The following CYP4F8 variants were observed in gnomAD, a reference collection of about 807,000 sequenced individuals.
CYP4F8 encodes cytochrome P450 family 4 subfamily F member 8.
A neutral mutation model predicts 55.0 loss-of-function variants in CYP4F8; 56 were observed. That is an observed-to-expected ratio of 1.02 (90% CI 0.82 to 1.27). The LOEUF (loss-of-function observed/expected upper bound fraction) is 1.27, where lower values mean the gene tolerates loss of function less well. CYP4F8 is among the 50% of genes most tolerant of loss of function. CYP4F8 has a pLI of 0.00. For synonymous variants in CYP4F8, 288 were observed against 267.3 expected, an observed-to-expected ratio of 1.08 and a Z score of -0.76; for missense variants, 680 against 682.4, an observed-to-expected ratio of 1.00 and a Z score of 0.04.
chr19:15,619,423 A>G, intron 3 of CYP4F8, 67 bp from the exon 4 acceptor site: 1 of 1,590,170 alleles, frequency 6.3e-7, no homozygotes, highest in Non-Finnish European at 8.6e-7. Flanking sequence ...GCTGGGAGCC[A>G]CCCTCCATAC....
chr19:15,629,217 G>C lies in CYP4F8; in HGVS notation c.1422G>C (p.Ala474=). The change falls in exon 13 of 13, where the codon GCG becomes GCC. Residue 474 remains alanine, a synonymous_variant. Transcript: ENST00000612078. ...GGAACTGCATCGGGCAGAAGTTCGC[G>C]ATGGCAGAGATGAAGGTGGTCCTGG... ...GPRNCIGQKF[A]MAEMKVVLAL... 2 of 1,611,686 alleles carry C rather than the reference G, an allele frequency of 1.2e-6. No individual in the cohort carries two copies. Among genetic ancestry groups the C allele is most frequent in the South Asian group, 1.1e-5 (1 of 90,670 alleles).
At chr19:15,618,195 T>C (rs779544458) in intron 3 of CYP4F8, 51 bp downstream of exon 3, 1 of 1,613,260 alleles carries the variant, frequency 6.2e-7, no homozygotes, top group South Asian at 1.1e-5. Flanking sequence ...TTGGAGGGCT[T>C]CTAGATCTCA....
intron 6 of CYP4F8, 31 bp from the exon 7 acceptor site, chr19:15,623,074 G>C: frequency 6.3e-7 from 1 of 1,599,668 alleles, no homozygotes; most frequent in Non-Finnish European, 8.5e-7. Context: ...TGGGTAAGGA[G>C]CTGCTTCCTC....
intron 3 of CYP4F8, 106 bp downstream of exon 3, chr19:15,618,250 T>C (rs1972149649): frequency 6.5e-7 from 1 of 1,529,464 alleles, no homozygotes; most frequent in South Asian, 1.1e-5. Context: ...AGCCCCTTCC[T>C]TCCTGCTTCT....
At position 15,615,983 on chromosome 19, in the gene CYP4F8, CCTCA is replaced by C. The variant is rs1262707799; in HGVS notation, c.198+178_198+181del. On this transcript the variant is annotated intron_variant, in intron 2 of 12. Transcript: ENST00000612078. ...CCTCTCCTCACTCACTCATTCCTCT[CCTCA>C]CTCACTCATTCTCCTCACTCACTCA... 2.7e-5 allele frequency among the ~76,000 whole-genome samples: 4 copies of C among 150,656 alleles called. No homozygotes were observed. In the South Asian group the frequency reaches 6.3e-4, roughly 24 times the overall value.
At chr19:15,617,979 T>C (rs529668797) in intron 2 of CYP4F8, 21 bp from the exon 3 acceptor site, 2 of 1,611,164 alleles carry the variant, frequency 1.2e-6, no homozygotes, top group African/African-American at 1.3e-5. Context: ...CAGGAGGTGA[T>C]GGCCCTTGCC....
rs1164376638 is a variant in CYP4F8 at position 15,628,312 on chromosome 19, G to C, written c.1126G>C (p.Ala376Pro). ...EPKEIEWDDL[A>P]QLPFLTMCLK... ...TGGGTGTTTCCTTAGGGACGACCTGGCCCAGTTGCCCTTCCTGACCATGTG... is the reference window on the plus strand; with the variant it reads ...TGGGTGTTTCCTTAGGGACGACCTGCCCCAGTTGCCCTTCCTGACCATGTG... The change falls in exon 10 of 13, where the codon GCC becomes CCC. Residue 376 changes from alanine to proline, a missense_variant. Ala to Pro is a conservative substitution (Grantham distance 27). Transcript: ENST00000612078. 2 of 1,613,898 alleles carry C rather than the reference G, an allele frequency of 1.2e-6. No homozygotes were observed. The highest frequency in any genetic ancestry group is 1.7e-6 in the Non-Finnish European group (2 of 1,179,990).
chr19:15,627,622 A>C (rs1335227620), intron 9 of CYP4F8: 1 of 152,238 alleles, frequency 6.6e-6, no homozygotes, highest in African/African-American at 2.4e-5. Context: ...TGACACCTTT[A>C]CAACATATGG....
At position 15,628,770 on chromosome 19, in the gene CYP4F8, C is replaced by G. The variant is rs749159005; in HGVS notation, c.1324C>G (p.Pro442Ala). 4.3e-6 allele frequency: 7 copies of G among 1,613,002 alleles called. No homozygotes were observed. The highest frequency in any genetic ancestry group is 2.7e-5 in the African/African-American group (2 of 74,922). Reference sequence around the variant, plus strand: ...CTTGCCTCCACCCCAGGTCTATGACCCCTTCCGCTTCGACCCAGAAAACGC... The same window carrying G: ...CTTGCCTCCACCCCAGGTCTATGACGCCTTCCGCTTCGACCCAGAAAACGC... ...SVWPDPEVYD[P>A]FRFDPENAQK... Residue 442 changes from proline to alanine, a missense_variant, in exon 12 of 13, where the codon CCC (proline) becomes GCC (alanine). Physicochemically the swap from Pro to Ala is conservative, Grantham distance 27. Transcript: ENST00000612078.
chr19:15,627,100 AT>A (rs1972272386), intron 9 of CYP4F8: 1 of 151,966 alleles, frequency 6.6e-6, no homozygotes, highest in African/African-American at 2.4e-5. Flanking sequence ...AAATTATTTT[AT>A]TTTTATTAGT....
chr19:15,623,885 G>T, intron 8 of CYP4F8, 80 bp from the exon 9 acceptor site: 2 of 1,596,390 alleles, frequency 1.3e-6, no homozygotes, highest in Non-Finnish European at 1.7e-6. Flanking sequence ...ACCTTCCTGA[G>T]AGCCTCAATG....
At chr19:15,622,891 T>C in intron 6 of CYP4F8, 2 of 598,524 alleles carry the variant, frequency 3.3e-6, no homozygotes, top group East Asian at 5.6e-5. Context: ...AGATGTTTTA[T>C]AAGACAGAGA....
intron 1 of CYP4F8, 56 bp downstream of exon 1, chr19:15,615,336 A>G (rs4808326): frequency 0.91 from 269,837 of 297,460 alleles, 122,638 homozygotes; most frequent in East Asian, 0.97. Flanking sequence ...CAAGACTGGG[A>G]TGGCTCCAGG....
rs775700224 is a variant in CYP4F8, at chr19:15,619,527, C to T, written c.381C>T (p.Thr127=). ...ACAAGGACATAGTCTTCTACAAGAC[C>T]CTGAAGCCCTGGCTGGGTAAGTAAC... ...ITDKDIVFYK[T]LKPWLGDGLL... The change falls in exon 4 of 13, where the codon ACC becomes ACT. Residue 127 remains threonine (T), a synonymous_variant. Coordinates refer to ENST00000612078, the MANE Select transcript of CYP4F8 (RefSeq NM_007253.4). 7 of 1,614,066 alleles carry T rather than the reference C, an allele frequency of 4.3e-6. No homozygotes were observed. The highest frequency in any genetic ancestry group is 1.3e-5 in the African/African-American group (1 of 74,936).
chr19:15,624,378 G>A (rs1356026456), intron 9 of CYP4F8, among the ~76,000 whole-genome samples: 1 of 152,164 alleles, frequency 6.6e-6, no homozygotes, highest in East Asian at 1.9e-4. Context: ...GTAAATTGGG[G>A]GTGTGGGGAA....
At position 15,624,043 on chromosome 19, in the gene CYP4F8, G is replaced by C. The variant is rs750213680; in HGVS notation, c.1064G>C (p.Arg355Pro). The part of the protein sequence containing the change: ...ARHPEYQERC[R>P]QEVQELLKDR... ...CACCCAGAATACCAAGAACGCTGCC[G>C]GCAGGAGGTGCAAGAGCTTCTGAAG... Residue 355 changes from arginine (R) to proline (P), a missense_variant, in exon 9 of 13, where the codon CGG becomes CCG. By Grantham distance (103) the Arg-to-Pro change is moderately radical (BLOSUM62 -2). Coordinates refer to ENST00000612078, the MANE Select transcript of CYP4F8 (RefSeq NM_007253.4). The C allele has an allele frequency of 6.2e-7, 1 of 1,614,178 alleles. No homozygotes were observed. The highest frequency in any genetic ancestry group is 8.5e-7 in the Non-Finnish European group (1 of 1,180,040).
At chr19:15,617,769 C>T (rs1389771169) in intron 2 of CYP4F8, among the ~76,000 whole-genome samples, 1 of 152,150 alleles carries the variant, frequency 6.6e-6, no homozygotes, top group Non-Finnish European at 1.5e-5. Context: ...GAGGAGAAAA[C>T]AAATTCACCC....
chr19:15,628,878 T>C, intron 12 of CYP4F8, 35 bp downstream of exon 12: 1 of 1,556,056 alleles, frequency 6.4e-7, no homozygotes, highest in Non-Finnish European at 8.7e-7. Context: ...GGGCATGGGC[T>C]GAGGGTGGCA....
rs1283762082 is a variant in CYP4F8, at chr19:15,623,871, C to T, written c.986-94C>T. 4 of 1,595,376 alleles carry T rather than the reference C, an allele frequency of 2.5e-6. No homozygotes were observed. In the African/African-American group the frequency reaches 4.0e-5, roughly 16 times the overall value. ...TCATTCTGCCCAACCTCCCCCTCCC[C>T]TCAACCTTCCTGAGAGCCTCAATGT... On this transcript the variant is annotated intron_variant, in intron 8 of 12. Transcript: ENST00000612078.
Sources: gnomAD v4.1 joint callset for allele counts (sites outside exome capture counted in the v4.1 genomes callset) on GRCh38, gnomAD v4.1.1 for gene constraint, MANE v1.5 for transcripts, NCBI Gene and HGNC (gene_info 2026-07-23, HGNC 2026-07-21) for gene names.